The following COG3 variants were observed in gnomAD, a reference collection of about 807,000 sequenced individuals.
The protein encoded by COG3 is conserved oligomeric Golgi complex subunit 3.
A neutral mutation model predicts 114.1 loss-of-function variants in COG3; 32 were observed. That is an observed-to-expected ratio of 0.28 (90% CI 0.21 to 0.38). COG3 has a LOEUF of 0.38. Ranked by LOEUF, COG3 falls within the 10% of genes least tolerant of loss-of-function variation. COG3 has a pLI of 1.00. For synonymous variants in COG3, 352 were observed against 365.7 expected (o/e 0.96, Z 0.43); for missense variants, 813 against 973.2 (o/e 0.84, Z 2.19).
chr13:45,467,568 G>A (rs1303197436), intron 1 of COG3, among the ~76,000 whole-genome samples: 1 of 151,990 alleles, frequency 6.6e-6, no homozygotes, highest in Non-Finnish European at 1.5e-5. Context: ...CTCCAGCCTG[G>A]GTGGGTGACA....
intron 22 of COG3, chr13:45,534,375 C>T (rs1873410750): frequency 4.6e-6 from 1 of 219,608 alleles, no homozygotes. Flanking sequence ...AATGCCAGTG[C>T]CCAGTGGCTG....
intron 11 of COG3, 144 bp downstream of exon 11, chr13:45,492,394 G>A (rs1887069483): frequency 2.0e-6 from 1 of 506,784 alleles, no homozygotes; most frequent in Non-Finnish European, 3.5e-6. Context: ...ATTGTTGGGT[G>A]GGACAGATAT....
At position 45,535,773 on chromosome 13, in the gene COG3, A is replaced by G. The variant is rs1184164180; in HGVS notation, c.*1042A>G. The stretch of plus-strand genomic sequence containing the variant: ...ATCCACATCTGAAAACTACCACACC[A>G]TATCAGGGATCATAAATTATGCATA... On this transcript the variant is annotated 3_prime_UTR_variant, in exon 23 of 23. Coordinates refer to ENST00000349995, the MANE Select transcript of COG3 (RefSeq NM_031431.4). 3 of 987,588 alleles carry G rather than the reference A, an allele frequency of 3.0e-6. No individual in the cohort carries two copies. The highest frequency in any genetic ancestry group is 3.6e-6 in the Non-Finnish European group (3 of 830,080). 61.2% of individuals were successfully genotyped at this position (987,588 alleles called of 1,614,324 possible).
At chr13:45,507,402 T>G (rs1436578629) in intron 14 of COG3, among the ~76,000 whole-genome samples, 2 of 151,770 alleles carry the variant, frequency 1.3e-5, no homozygotes, top group African/African-American at 4.8e-5. Flanking sequence ...ATAGGAGTGG[T>G]GAGAGAGAGA....
Position 45,535,539 on chromosome 13 carries a change from TGAG to T in COG3, c.*812_*814del. ...GGCGCATAGAGGAGAGAAGGAAACC[TGAG>T]GAGTAGTGTTCCTCCTGAATGAAGG... On this transcript the variant is annotated 3_prime_UTR_variant, in exon 23 of 23. Coordinates refer to ENST00000349995, the MANE Select transcript of COG3 (RefSeq NM_031431.4). The T allele has an allele frequency of 2.0e-6, 2 of 985,626 alleles. No homozygotes were observed. The highest frequency in any genetic ancestry group is 9.4e-5 in the South Asian group (2 of 21,292). The allele number at this position is 985,626 out of a possible 1,614,324, so 61.1% of individuals were successfully genotyped here. A position where few individuals can be genotyped will look rare whatever the true frequency, so the allele number is the denominator to read the frequency against.
intron 1 of COG3, among the ~76,000 whole-genome samples, chr13:45,469,969 TAAA>T (rs1273005548): frequency 6.6e-6 from 1 of 152,186 alleles, no homozygotes; most frequent in African/African-American, 2.4e-5. Context: ...GGTATTGGCT[TAAA>T]GAAGAAGAAT....
intron 22 of COG3, among the ~76,000 whole-genome samples, chr13:45,532,881 T>C (rs570555259): frequency 6.6e-6 from 1 of 152,018 alleles, no homozygotes; most frequent in Admixed American, 6.6e-5. Context: ...GGTAACTTGT[T>C]TTTTTTTAAA....
At position 45,517,324 on chromosome 13, in the gene COG3, CCTAT is replaced by C. The variant is rs1451755026; in HGVS notation, c.1930+1064_1930+1067del. ...GGTTTTTAGTTCCCCAATTCCTGTGCCTATCTGATAGTGGATTTGATTTAACTCA... is the reference window on the plus strand; with the variant it reads ...GGTTTTTAGTTCCCCAATTCCTGTGCCTGATAGTGGATTTGATTTAACTCA... On this transcript the variant is annotated intron_variant, in intron 17 of 22. Coordinates refer to ENST00000349995, the MANE Select transcript of COG3 (RefSeq NM_031431.4). Among the ~76,000 whole-genome samples, 5 of 152,050 alleles carry C rather than the reference CCTAT, an allele frequency of 3.3e-5. No homozygotes were observed. The East Asian group carries it at 9.6e-4, about 29-fold the overall frequency.
intron 1 of COG3, among the ~76,000 whole-genome samples, chr13:45,466,907 T>C (rs569269472): frequency 6.6e-6 from 1 of 152,146 alleles, no homozygotes; most frequent in Non-Finnish European, 1.5e-5. Flanking sequence ...AGTTAGGTAT[T>C]GAAGATAGAA....
intron 8 of COG3, among the ~76,000 whole-genome samples, chr13:45,490,569 T>C (rs1379575347): frequency 6.6e-6 from 1 of 152,156 alleles, no homozygotes; most frequent in Non-Finnish European, 1.5e-5. Context: ...CCAGGTACTA[T>C]GCTAAGGCCT....
chr13:45,472,477 C>T (rs575756115), intron 1 of COG3, among the ~76,000 whole-genome samples: 1 of 152,262 alleles, frequency 6.6e-6, no homozygotes, highest in African/African-American at 2.4e-5. Context: ...TTGATATCAT[C>T]ATATAATTTG....
At chr13:45,510,569 C>T (rs1287034101) in intron 15 of COG3, among the ~76,000 whole-genome samples, 2 of 152,156 alleles carry the variant, frequency 1.3e-5, no homozygotes, top group Non-Finnish European at 2.9e-5. Context: ...ACGCAGGAGG[C>T]ATATTCCACA....
chr13:45,484,827 ATC>A (rs1416027635), intron 7 of COG3, among the ~76,000 whole-genome samples: 1 of 146,470 alleles, frequency 6.8e-6, no homozygotes, highest in African/African-American at 2.6e-5. Context: ...GCCTTCAAGC[ATC>A]TGTTTAACAA....
chr13:45,486,735 T>G (rs1289859168), intron 8 of COG3, among the ~76,000 whole-genome samples, 160 bp downstream of exon 8: 1 of 152,224 alleles, frequency 6.6e-6, no homozygotes, highest in Non-Finnish European at 1.5e-5. Context: ...CTTAGTGTTG[T>G]GTCTAGGTTC....
rs773329075 is a variant in COG3, at chr13:45,511,750, C to T, written c.1720-15C>T. On this transcript the variant is annotated splice_polypyrimidine_tract_variant and intron_variant, in intron 15 of 22. Transcript: ENST00000349995. ...TCAAATGCCACAGGCTGATTATTCT[C>T]TTTTATTCCACCAGAGGGCAGTGTT... 4.1e-5 allele frequency: 65 copies of T among 1,603,066 alleles called. No homozygotes were observed. Among genetic ancestry groups the T allele is most frequent in the Non-Finnish European group, 5.0e-5 (58 of 1,170,386 alleles).
At position 45,480,161 on chromosome 13, in the gene COG3, G is replaced by C. The variant is rs1693294958; in HGVS notation, c.420G>C (p.Gln140His). The C allele has an allele frequency of 6.2e-7, 1 of 1,613,280 alleles. No homozygotes were observed. The highest frequency in any genetic ancestry group is 1.3e-5 in the African/African-American group (1 of 74,880). Residue 140 changes from glutamine to histidine, a missense_variant, in exon 4 of 23, where the codon CAG becomes CAC. Physicochemically the swap from Gln to His is conservative, Grantham distance 24. Coordinates refer to ENST00000349995, the MANE Select transcript of COG3 (RefSeq NM_031431.4). Reference sequence around the variant, plus strand: ...ATTACTTGTCTGGGTTTCAGGAGCAGTGTGATGCTATATTGAATGATGTAA... The same window carrying C: ...ATTACTTGTCTGGGTTTCAGGAGCACTGTGATGCTATATTGAATGATGTAA... Reference protein sequence around the residue: ...MRDYLSGFQEQCDAILNDVNS... With the variant: ...MRDYLSGFQEHCDAILNDVNS...
chr13:45,494,306 C>T (rs566068148), intron 12 of COG3, among the ~76,000 whole-genome samples: 1 of 134,178 alleles, frequency 7.5e-6, no homozygotes, highest in East Asian at 2.3e-4. Flanking sequence ...GCCCAGGCAA[C>T]AACAGCAAGA....
At chr13:45,482,240 A>G in intron 5 of COG3, 141 bp from the exon 6 acceptor site, 1 of 520,260 alleles carries the variant, frequency 1.9e-6, no homozygotes, top group East Asian at 3.3e-5. Flanking sequence ...GCTACATTCG[A>G]GGATATTTTG....
At chr13:45,517,356 C>G (rs1449443003) in intron 17 of COG3, among the ~76,000 whole-genome samples, 3 of 152,084 alleles carry the variant, frequency 2.0e-5, no homozygotes, top group Non-Finnish European at 2.9e-5. Context: ...TTAACTCACC[C>G]GAGAGCCAGT....
Sources: allele counts gnomAD v4.1 joint callset (sites outside exome capture counted in the v4.1 genomes callset), GRCh38; gene constraint gnomAD v4.1.1; transcripts MANE v1.5; gene names NCBI Gene and HGNC (gene_info 2026-07-23, HGNC 2026-07-21).